The following ARAP2 variants were observed in gnomAD, a reference collection of about 807,000 sequenced individuals.
The protein encoded by ARAP2 is ArfGAP with RhoGAP domain, ankyrin repeat and PH domain 2.
In ARAP2, 148 loss-of-function variants were observed where a neutral mutation model predicts 194.5. The ratio of observed to expected loss-of-function variants is 0.76; its 90% confidence interval spans 0.67 to 0.87. The LOEUF (loss-of-function observed/expected upper bound fraction) is 0.87. Ranked by LOEUF, ARAP2 falls within the 40% of genes least tolerant of loss-of-function variation. The probability of loss-of-function intolerance (pLI) is 0.00; values close to 1 mark genes in which losing one functional copy is unlikely to be tolerated. For synonymous variants in ARAP2, 695 were observed against 683.5 expected (o/e 1.02, Z -0.26); for missense variants, 2,128 against 1,989.7 (o/e 1.07, Z -1.32).
chr4:36,143,493 C>T (rs1207489080), intron 19 of ARAP2, among the ~76,000 whole-genome samples: 1 of 151,600 alleles, frequency 6.6e-6, no homozygotes, highest in South Asian at 2.1e-4. Flanking sequence ...ACAAATTGAC[C>T]TTACTTTAAC....
intron 15 of ARAP2, among the ~76,000 whole-genome samples, chr4:36,151,745 T>A (rs893480046): frequency 6.6e-6 from 1 of 152,132 alleles, no homozygotes; most frequent in Admixed American, 6.5e-5. Context: ...TACTTTTAAG[T>A]GTGCATATAA....
At chr4:36,173,541 C>T (rs1737130326) in intron 9 of ARAP2, among the ~76,000 whole-genome samples, 1 of 151,372 alleles carries the variant, frequency 6.6e-6, no homozygotes, top group Admixed American at 6.6e-5. Flanking sequence ...CAAAATAGTT[C>T]AGAAAAAAAT....
chr4:36,196,058 T>C (rs1171043011), intron 6 of ARAP2, among the ~76,000 whole-genome samples: 1 of 152,210 alleles, frequency 6.6e-6, no homozygotes, highest in African/African-American at 2.4e-5. Context: ...AATCAGCATC[T>C]TTTAAAAGAA....
At chr4:36,044,349 G>C (rs1199367869) in intron 5 of ARAP2, among the ~76,000 whole-genome samples, 1 of 152,184 alleles carries the variant, frequency 6.6e-6, no homozygotes, top group Non-Finnish European at 1.5e-5. Context: ...ACTGTAAAGA[G>C]GATTTTAAAA....
chr4:36,233,254 C>T (rs893476411), intron 1 of ARAP2, among the ~76,000 whole-genome samples: 3 of 152,164 alleles, frequency 2.0e-5, no homozygotes, highest in African/African-American at 7.2e-5. Context: ...GTGAAAGCTC[C>T]TTAATACGAA....
intron 9 of ARAP2, among the ~76,000 whole-genome samples, chr4:36,007,979 A>G (rs1713654929): frequency 6.6e-6 from 1 of 152,104 alleles, no homozygotes; most frequent in Non-Finnish European, 1.5e-5. Context: ...AGAAATACAG[A>G]TAACCAAAGA....
chr4:36,202,832 G>A (rs1450954219), intron 6 of ARAP2, among the ~76,000 whole-genome samples: 3 of 152,190 alleles, frequency 2.0e-5, no homozygotes, highest in African/African-American at 7.2e-5. Flanking sequence ...AATCAACACT[G>A]ACCAGAGAAG....
At chr4:36,242,436 G>A (rs539527220) in intron 1 of ARAP2, among the ~76,000 whole-genome samples, 1 of 152,114 alleles carries the variant, frequency 6.6e-6, no homozygotes, top group Non-Finnish European at 1.5e-5. Flanking sequence ...CAGTTGCAGG[G>A]AGGTGGGTTA....
At chr4:36,089,540 C>G (rs1477177664) in intron 28 of ARAP2, among the ~76,000 whole-genome samples, 1 of 152,026 alleles carries the variant, frequency 6.6e-6, no homozygotes, top group Non-Finnish European at 1.5e-5. Flanking sequence ...TGTGATTTTA[C>G]CCTTCCACCA....
At chr4:36,189,048 C>G (rs1490616051) in intron 7 of ARAP2, among the ~76,000 whole-genome samples, 3 of 152,086 alleles carry the variant, frequency 2.0e-5, no homozygotes, top group Admixed American at 1.3e-4. Flanking sequence ...ATCTTAAATA[C>G]CAATGCAATG....
intron 5 of ARAP2, among the ~76,000 whole-genome samples, chr4:36,044,722 T>G: frequency 6.6e-6 from 1 of 152,082 alleles, no homozygotes; most frequent in East Asian, 1.9e-4. Context: ...TAAAAAGGTT[T>G]TGTATAGCAA....
At chr4:36,156,670 A>G (rs1336194175) in intron 15 of ARAP2, among the ~76,000 whole-genome samples, 1 of 152,204 alleles carries the variant, frequency 6.6e-6, no homozygotes, top group African/African-American at 2.4e-5. Flanking sequence ...GGAAATGAAG[A>G]GTAGCCAACT....
chr4:36,014,342 GA>G (rs1301528895), intron 8 of ARAP2, among the ~76,000 whole-genome samples: 2 of 127,274 alleles, frequency 1.6e-5, no homozygotes, highest in South Asian at 2.3e-4. Context: ...AAGAAAGAAA[GA>G]AAGAAAGAAA....
Position 36,035,610 on chromosome 4 carries a change from C to T in ARAP2, n.607+10369G>A, listed in dbSNP as rs193264654. On this transcript the variant is annotated intron_variant and non_coding_transcript_variant, in intron 5 of 12. Coordinates refer to the ARAP2 transcript ENST00000503225. ...AGAGTCTATGAGATTTCTTGTTGCT[C>T]CAAATCCTTACCAAAACTTGATATT... Among the ~76,000 whole-genome samples the T allele has an allele frequency of 4.4e-4, 67 of 152,114 alleles. 3 individuals are homozygous for T. Among genetic ancestry groups the T allele is most frequent in the Admixed American group, 4.0e-3 (61 of 15,252 alleles).
At chr4:36,214,576 T>C (rs1283177841) in intron 2 of ARAP2, 96 bp from the exon 3 acceptor site, 1 of 749,308 alleles carries the variant, frequency 1.3e-6, no homozygotes, top group Non-Finnish European at 2.0e-6. Context: ...AGAAAATATT[T>C]ATGATTTATA....
At chr4:36,076,025 C>T (rs1290637582) in intron 31 of ARAP2, among the ~76,000 whole-genome samples, 1 of 152,172 alleles carries the variant, frequency 6.6e-6, no homozygotes. Context: ...ACAATTATTA[C>T]TGATCATTTA....
chr4:36,109,248 T>G (rs1719217999), intron 26 of ARAP2, among the ~76,000 whole-genome samples: 1 of 151,894 alleles, frequency 6.6e-6, no homozygotes, highest in African/African-American at 2.4e-5. Flanking sequence ...CATTCTGTGC[T>G]TATTGGAGCA....
At chr4:36,051,645 A>C (rs1435114010) in intron 3 of ARAP2, among the ~76,000 whole-genome samples, 1 of 152,178 alleles carries the variant, frequency 6.6e-6, no homozygotes, top group Non-Finnish European at 1.5e-5. Flanking sequence ...TATTATCTCC[A>C]TTCCACAGAT....
At chr4:36,078,671 T>C (rs367908441) in intron 31 of ARAP2, among the ~76,000 whole-genome samples, 4 of 152,154 alleles carry the variant, frequency 2.6e-5, no homozygotes, top group African/African-American at 9.7e-5. Flanking sequence ...GATTAAAACA[T>C]GAGACAGTAA....
Sources: gnomAD v4.1 joint callset for allele counts (sites outside exome capture counted in the v4.1 genomes callset) on GRCh38, gnomAD v4.1.1 for gene constraint, MANE v1.5 for transcripts, NCBI Gene and HGNC (gene_info 2026-07-23, HGNC 2026-07-21) for gene names.